TDP2: variants seen among roughly 807,000 people sequenced by gnomAD.
TDP2 encodes the protein 5'-Tyr-DNA phosphodiesterase.
Under a neutral mutation model 42.8 loss-of-function variants are expected in TDP2, and 38 were observed. That is an observed-to-expected ratio of 0.89 (90% CI 0.68 to 1.16). TDP2 has a LOEUF of 1.16. Ranked by LOEUF, TDP2 falls within the 50% of genes most tolerant of loss-of-function variation. TDP2 has a pLI of 0.00. For synonymous variants in TDP2, 173 were observed against 150.6 expected (o/e 1.15, Z -1.09); for missense variants, 439 against 439.3 (o/e 1.00, Z 0.01).
intron 6 of TDP2, among the ~76,000 whole-genome samples, chr6:24,651,664 G>C (rs1777977603): frequency 6.7e-6 from 1 of 148,614 alleles, no homozygotes; most frequent in African/African-American, 2.5e-5. Flanking sequence ...TCGGTTCACT[G>C]CAACTTCCAC....
intron 2 of TDP2, among the ~76,000 whole-genome samples, chr6:24,665,769 A>C (rs1778221522): frequency 6.6e-6 from 1 of 152,196 alleles, no homozygotes; most frequent in African/African-American, 2.4e-5. Flanking sequence ...AAGAGTACCT[A>C]AAAGGGGACT....
rs1277786856 is a variant in TDP2, at chr6:24,651,052, A to C, written c.825T>G (p.Gly275=). ...LRDREVTRCG[G]LPNNIVDVWE... ...AGACATCCACAATGTTGTTGGGTAA[A>C]CCACCACATCTGGTAACCTGAAAAG... The change falls in exon 7 of 7, where the codon GGT becomes GGG. Residue 275 remains glycine, a synonymous_variant. Coordinates refer to ENST00000378198, the MANE Select transcript of TDP2 (RefSeq NM_016614.3). 2 of 1,612,610 alleles carry C rather than the reference A, an allele frequency of 1.2e-6. No individual in the cohort carries two copies. Among genetic ancestry groups the C allele is most frequent in the African/African-American group, 2.7e-5 (2 of 74,852 alleles).
At chr6:24,660,995 T>C (rs1778139676) in intron 2 of TDP2, among the ~76,000 whole-genome samples, 1 of 152,222 alleles carries the variant, frequency 6.6e-6, no homozygotes, top group Non-Finnish European at 1.5e-5. Context: ...CCTGGTGATG[T>C]TAGCTTTGAT....
chr6:24,664,094 G>C (rs1778194618), intron 2 of TDP2, among the ~76,000 whole-genome samples: 1 of 152,154 alleles, frequency 6.6e-6, no homozygotes, highest in South Asian at 2.1e-4. Flanking sequence ...AGTATATCTG[G>C]TGTCTTAGGT....
Position 24,652,888 on chromosome 6 carries a change from A to G in TDP2, c.807+95T>C, listed in dbSNP as rs764059759. 6.6e-6 allele frequency: 9 copies of G among 1,363,070 alleles called. No individual in the cohort carries two copies. The Admixed American group carries it at 6.8e-5, about 10-fold the overall frequency. The allele number at this position is 1,363,070 out of a possible 1,614,324, so 84.4% of individuals were successfully genotyped here. A position where few individuals can be genotyped will look rare whatever the true frequency, so the allele number is the denominator to read the frequency against. ...TCACTTAAGACATTTTGAGTGACTA[A>G]AGGTCCTAGTTTTAACAGCTTTGGT... On this transcript the variant is annotated intron_variant, in intron 6 of 6. Coordinates refer to ENST00000378198, the MANE Select transcript of TDP2 (RefSeq NM_016614.3).
At chr6:24,665,039 C>A (rs1778207840) in intron 2 of TDP2, among the ~76,000 whole-genome samples, 1 of 152,084 alleles carries the variant, frequency 6.6e-6, no homozygotes, top group African/African-American at 2.4e-5. Flanking sequence ...GTTGGTTTGA[C>A]CAAAACAGGA....
At chr6:24,654,903 T>C (rs999802091) in intron 4 of TDP2, among the ~76,000 whole-genome samples, 8 of 152,162 alleles carry the variant, frequency 5.3e-5, no homozygotes, top group Admixed American at 4.6e-4. Flanking sequence ...TCGGGCGTGG[T>C]GGCACATGCC....
At position 24,650,281 on chromosome 6, in the gene TDP2, T is replaced by C. The variant is rs959666077; in HGVS notation, c.*507A>G. The C allele has an allele frequency of 4.6e-5, 7 of 153,218 alleles. No homozygotes were observed. Among genetic ancestry groups the C allele is most frequent in the African/African-American group, 1.7e-4 (7 of 41,476 alleles). The allele number at this position is 153,218 out of a possible 1,614,324, so 9.5% of individuals were successfully genotyped here. ...GGTTTCAATTATAGCTTACCAATTA[T>C]GTAATTAGCTGACAAAAATCAAGTC... is the stretch of plus-strand genomic sequence containing the variant. On this transcript the variant is annotated 3_prime_UTR_variant, in exon 7 of 7. Coordinates refer to ENST00000378198, the MANE Select transcript of TDP2 (RefSeq NM_016614.3).
At chr6:24,653,991 C>T (rs1015287709) in intron 5 of TDP2, among the ~76,000 whole-genome samples, 1 of 152,208 alleles carries the variant, frequency 6.6e-6, no homozygotes, top group Admixed American at 6.5e-5. Context: ...AACTTCCACA[C>T]ATCATTTATA....
At chr6:24,657,219 T>C (rs1283303171) in intron 4 of TDP2, among the ~76,000 whole-genome samples, 1 of 151,968 alleles carries the variant, frequency 6.6e-6, no homozygotes, top group Non-Finnish European at 1.5e-5. Flanking sequence ...CCTGCAGAAA[T>C]GGAGTGCGCA....
intron 5 of TDP2, among the ~76,000 whole-genome samples, chr6:24,653,355 G>A (rs114754446): frequency 2.0e-5 from 3 of 152,118 alleles, no homozygotes; most frequent in African/African-American, 7.2e-5. Context: ...TAGCAAGCAC[G>A]ACCTACCCCC....
At chr6:24,657,738 G>T in intron 4 of TDP2, 74 bp downstream of exon 4, 1 of 837,632 alleles carries the variant, frequency 1.2e-6, no homozygotes, top group South Asian at 1.8e-5. Context: ...TGTCCCAATA[G>T]ACCAACTTTG....
chr6:24,657,680 TCTTG>T lies in TDP2; in HGVS notation c.517+128_517+131del, dbSNP rs757420661. On this transcript the variant is annotated intron_variant, in intron 4 of 6. Transcript: ENST00000378198. Reference sequence around the variant, plus strand: ...CCTATAATTCTTGTAGTATTCTGTGTCTTGCTTATTTTTCTCAAACTTATTTATT... The same window carrying T: ...CCTATAATTCTTGTAGTATTCTGTGTCTTATTTTTCTCAAACTTATTTATT... 67 of 435,748 alleles carry T rather than the reference TCTTG, an allele frequency of 1.5e-4. No homozygotes were observed. In the East Asian group the frequency reaches 2.5e-3, roughly 16 times the overall value. 27.0% of individuals were successfully genotyped at this position (435,748 alleles called of 1,614,324 possible). A position where few individuals can be genotyped will look rare whatever the true frequency, so the allele number is the denominator to read the frequency against.
At position 24,652,723 on chromosome 6, in the gene TDP2, C is replaced by CTATA. The variant is rs17243395; in HGVS notation, c.807+256_807+259dup. Among the ~76,000 whole-genome samples, 335 of 150,174 alleles carry CTATA rather than the reference C, an allele frequency of 2.2e-3. 4 individuals are homozygous for CTATA. Among genetic ancestry groups the CTATA allele is most frequent in the South Asian group, 5.1e-3 (24 of 4,740 alleles). On this transcript the variant is annotated intron_variant, in intron 6 of 6. Transcript: ENST00000378198. ...ATTTTCTCTACCTTTCTTTCTAATC[C>CTATA]TATATATATATATATACACACACAC...
At chr6:24,659,936 T>C (rs1272314439) in intron 2 of TDP2, among the ~76,000 whole-genome samples, 3 of 152,164 alleles carry the variant, frequency 2.0e-5, no homozygotes, top group Non-Finnish European at 2.9e-5. Flanking sequence ...GGAAAGGACA[T>C]ATGTATGTGT....
At chr6:24,665,998 T>C (rs1182293434) in intron 2 of TDP2, 3 of 1,346,562 alleles carry the variant, frequency 2.2e-6, no homozygotes, top group Non-Finnish European at 2.9e-6. Flanking sequence ...TTCTAAGTTA[T>C]GGAGCCAAAT....
intron 4 of TDP2, among the ~76,000 whole-genome samples, chr6:24,655,252 C>T (rs1431582754): frequency 6.6e-6 from 1 of 152,058 alleles, no homozygotes; most frequent in Non-Finnish European, 1.5e-5. Context: ...TATAAACCTG[C>T]AAGAACAGAA....
At chr6:24,651,984 T>TC (rs17243416) in intron 6 of TDP2, among the ~76,000 whole-genome samples, 32,735 of 152,128 alleles carry the variant, frequency 0.22, 4,107 homozygotes, top group Non-Finnish European at 0.29. Flanking sequence ...CTTTTAATCT[T>TC]CCCCAACTGA....
At chr6:24,654,138 GTA>G (rs1468390207) in intron 5 of TDP2, among the ~76,000 whole-genome samples, 3 of 152,178 alleles carry the variant, frequency 2.0e-5, no homozygotes, top group Admixed American at 6.5e-5. Flanking sequence ...ATAGCAGCAT[GTA>G]TAGAGTAGAA....
Sources: allele counts gnomAD v4.1 joint callset (sites outside exome capture counted in the v4.1 genomes callset), GRCh38; gene constraint gnomAD v4.1.1; transcripts MANE v1.5; gene names NCBI Gene and HGNC (gene_info 2026-07-23, HGNC 2026-07-21).